Variants in ADGRL3 observed in about 807,000 individuals in gnomAD.
The protein encoded by ADGRL3 is adhesion G protein-coupled receptor L3, also known as calcium-independent alpha-latrotoxin receptor 3.
Under a neutral mutation model 153.5 loss-of-function variants are expected in ADGRL3, and 62 were observed. The observed-to-expected ratio is 0.40, with a 90% CI of 0.33 to 0.50. The LOEUF (loss-of-function observed/expected upper bound fraction) is 0.50. Ranked by LOEUF, ADGRL3 falls within the 20% of genes least tolerant of loss-of-function variation. The pLI, the probability that ADGRL3 is intolerant of heterozygous loss-of-function variation, is 0.47. For synonymous variants in ADGRL3, 710 were observed against 672.5 expected, an observed-to-expected ratio of 1.06 and a Z score of -0.86; for missense variants, 1,641 against 1,859.4, an observed-to-expected ratio of 0.88 and a Z score of 2.16.
chr4:61,297,903 G>A (rs545586504), intron 1 of ADGRL3, among the ~76,000 whole-genome samples: 19 of 151,928 alleles, frequency 1.3e-4, no homozygotes, highest in South Asian at 6.3e-4. Context: ...TATCATTTGC[G>A]AGACTTCCTG....
intron 8 of ADGRL3, among the ~76,000 whole-genome samples, chr4:61,773,296 A>G (rs2097107408): frequency 1.3e-5 from 2 of 152,180 alleles, no homozygotes; most frequent in African/African-American, 4.8e-5. Context: ...TTAGTAATAT[A>G]CTAAATCAAA....
intron 8 of ADGRL3, among the ~76,000 whole-genome samples, chr4:61,774,419 A>T (rs527336295): frequency 1.3e-5 from 2 of 151,930 alleles, no homozygotes; most frequent in African/African-American, 4.8e-5. Context: ...AAAAAAAATA[A>T]AAATAAAAAA....
intron 8 of ADGRL3, among the ~76,000 whole-genome samples, chr4:61,797,712 G>GA (rs1158740793): frequency 1.5e-5 from 2 of 137,762 alleles, no homozygotes; most frequent in Non-Finnish European, 3.1e-5. Context: ...CACTACTAGA[G>GA]AAAAAAACCC....
chr4:61,514,072 A>G (rs1009245628), intron 3 of ADGRL3, among the ~76,000 whole-genome samples: 2 of 152,220 alleles, frequency 1.3e-5, no homozygotes, highest in African/African-American at 4.8e-5. Flanking sequence ...TTAGAATGTG[A>G]AAACTATCTT....
At chr4:62,003,758 G>T (rs1456638343) in intron 21 of ADGRL3, among the ~76,000 whole-genome samples, 1 of 152,060 alleles carries the variant, frequency 6.6e-6, no homozygotes, top group Middle Eastern at 3.2e-3. Context: ...GTATCATGAA[G>T]AATTATGCAT....
chr4:61,862,967 T>C (rs2098358760), intron 9 of ADGRL3, among the ~76,000 whole-genome samples: 1 of 152,200 alleles, frequency 6.6e-6, no homozygotes, highest in East Asian at 1.9e-4. Flanking sequence ...GTCACCACAG[T>C]GATTCTAATT....
At chr4:61,798,193 A>G (rs2097438672) in intron 8 of ADGRL3, among the ~76,000 whole-genome samples, 1 of 152,218 alleles carries the variant, frequency 6.6e-6, no homozygotes, top group South Asian at 2.1e-4. Context: ...TAGTAATAAA[A>G]TAGCAAGGGG....
chr4:61,896,548 A>C (rs1309924034), intron 11 of ADGRL3, among the ~76,000 whole-genome samples: 4 of 152,128 alleles, frequency 2.6e-5, no homozygotes, highest in Non-Finnish European at 4.4e-5. Context: ...GGCCTTACTA[A>C]AAGCCTGCCT....
At chr4:61,448,641 A>G (rs1578914429) in intron 2 of ADGRL3, among the ~76,000 whole-genome samples, 1 of 151,982 alleles carries the variant, frequency 6.6e-6, no homozygotes, top group African/African-American at 2.4e-5. Context: ...TGGAAATTTG[A>G]TTCAAATATA....
In ADGRL3 at chr4:61,259,394, G is replaced by A. The variant is rs558512356; in HGVS notation, c.-240+57629G>A. Among the ~76,000 whole-genome samples the A allele has an allele frequency of 3.3e-5, 5 of 151,816 alleles. No homozygotes were observed. In the South Asian group the frequency reaches 1.0e-3, roughly 32 times the overall value. Reference sequence around the variant, plus strand: ...GCCGAGATTGCGCCACTGCACTCCAGCCTGGGCGACAGAGTGAGACTCTGT... The same window carrying A: ...GCCGAGATTGCGCCACTGCACTCCAACCTGGGCGACAGAGTGAGACTCTGT... On this transcript the variant is annotated intron_variant, in intron 1 of 26. Transcript: ENST00000683033.
intron 24 of ADGRL3, among the ~76,000 whole-genome samples, chr4:62,041,815 C>A (rs2151641509): frequency 6.6e-6 from 1 of 152,108 alleles, no homozygotes; most frequent in African/African-American, 2.4e-5. Flanking sequence ...ATACTTTTTC[C>A]TCTGCCTGCA....
At chr4:61,895,012 G>T (rs926958773) in intron 10 of ADGRL3, among the ~76,000 whole-genome samples, 5 of 152,102 alleles carry the variant, frequency 3.3e-5, no homozygotes, top group Non-Finnish European at 7.4e-5. Context: ...GTTTCCCAAA[G>T]AACATATATT....
intron 21 of ADGRL3, among the ~76,000 whole-genome samples, chr4:62,007,741 C>T (rs1013173621): frequency 1.3e-5 from 2 of 152,002 alleles, no homozygotes; most frequent in East Asian, 2.0e-4. Flanking sequence ...ACCAGCCACC[C>T]CTTGGCCACT....
rs552499522 is a variant in ADGRL3 at position 61,247,800 on chromosome 4, CAAT to C, written c.-240+46049_-240+46051del. ...ATATTAAAATGATACTCAAAGGTAT[CAAT>C]AATAATAATAATAGCTATAATTTAT... On this transcript the variant is annotated intron_variant, in intron 1 of 26. Transcript: ENST00000683033. Among the ~76,000 whole-genome samples, 91 of 151,606 alleles carry C rather than the reference CAAT, an allele frequency of 6.0e-4. 1 individual carries two copies. The highest frequency in any genetic ancestry group is 1.5e-3 in the South Asian group (7 of 4,806).
At chr4:61,484,455 TA>T (rs1392972267) in intron 2 of ADGRL3, among the ~76,000 whole-genome samples, 1 of 152,164 alleles carries the variant, frequency 6.6e-6, no homozygotes, top group Non-Finnish European at 1.5e-5. Context: ...AGGATTTAAA[TA>T]AAATGTTAGC....
intron 5 of ADGRL3, among the ~76,000 whole-genome samples, chr4:61,595,157 A>T (rs575024997): frequency 6.6e-6 from 1 of 152,104 alleles, no homozygotes; most frequent in Non-Finnish European, 1.5e-5. Context: ...TTGCTACCCT[A>T]TCCCACTGTG....
At chr4:61,694,758 C>A (rs2095609745) in intron 6 of ADGRL3, among the ~76,000 whole-genome samples, 1 of 152,186 alleles carries the variant, frequency 6.6e-6, no homozygotes, top group African/African-American at 2.4e-5. Context: ...TGTTTGATAG[C>A]ATTTGGCCCA....
intron 6 of ADGRL3, among the ~76,000 whole-genome samples, chr4:61,730,136 AG>A (rs376656219): frequency 9.5e-4 from 144 of 152,084 alleles, no homozygotes; most frequent in African/African-American, 3.4e-3. Context: ...CTTAGGCCTT[AG>A]GAAATGAGTT....
chr4:61,897,813 G>A (rs575794616), intron 11 of ADGRL3, among the ~76,000 whole-genome samples: 1 of 152,130 alleles, frequency 6.6e-6, no homozygotes, highest in South Asian at 2.1e-4. Context: ...CCACACAGAT[G>A]GAACACTTGA....
Sources: allele counts gnomAD v4.1 joint callset (sites outside exome capture counted in the v4.1 genomes callset), GRCh38; gene constraint gnomAD v4.1.1; transcripts MANE v1.5; gene names NCBI Gene and HGNC (gene_info 2026-07-23, HGNC 2026-07-21).